The following PTPRT variants were observed in gnomAD, a reference collection of about 807,000 sequenced individuals.
The protein encoded by PTPRT is receptor-type tyrosine-protein phosphatase T.
Under a neutral mutation model 176.8 loss-of-function variants are expected in PTPRT, and 56 were observed. That is an observed-to-expected ratio of 0.32 (90% confidence interval 0.26 to 0.40). The LOEUF (loss-of-function observed/expected upper bound fraction) is 0.40, where lower values mean the gene tolerates loss of function less well. Among genes scored for constraint, PTPRT ranks in the 10% least tolerant of loss-of-function variants. The probability of loss-of-function intolerance (pLI) is 1.00; values close to 1 mark genes in which losing one functional copy is unlikely to be tolerated. For missense variants in PTPRT, 1,540 were observed against 1,908.2 expected, an observed-to-expected ratio of 0.81 and a Z score of 3.60; for synonymous variants, 783 against 739.0, an observed-to-expected ratio of 1.06 and a Z score of -0.96.
intron 7 of PTPRT, among the ~76,000 whole-genome samples, chr20:42,591,719 A>G (rs1396191387): frequency 6.6e-6 from 1 of 152,154 alleles, no homozygotes; most frequent in Non-Finnish European, 1.5e-5. Context: ...GCATTGTTCT[A>G]TGGATCTCAC....
chr20:42,448,973 T>TG (rs1217956069), intron 8 of PTPRT, among the ~76,000 whole-genome samples: 14 of 152,294 alleles, frequency 9.2e-5, no homozygotes, highest in Admixed American at 7.8e-4. Flanking sequence ...GGCTGCTGGT[T>TG]GGACAAGCTT....
intron 1 of PTPRT, among the ~76,000 whole-genome samples, chr20:42,944,858 A>G (rs1013186247): frequency 6.6e-6 from 1 of 152,270 alleles, no homozygotes; most frequent in South Asian, 2.1e-4. Flanking sequence ...CCAGTGGTAT[A>G]TATGCTTCAT....
chr20:42,649,780 C>T (rs1026457590), intron 7 of PTPRT, among the ~76,000 whole-genome samples: 2 of 151,810 alleles, frequency 1.3e-5, no homozygotes, highest in Non-Finnish European at 2.9e-5. Context: ...GGAGAGACAA[C>T]CCAGGTGCAG....
At chr20:42,878,117 T>C (rs1460292884) in intron 2 of PTPRT, among the ~76,000 whole-genome samples, 3 of 152,206 alleles carry the variant, frequency 2.0e-5, no homozygotes, top group African/African-American at 7.2e-5. Flanking sequence ...ATAACTTCTA[T>C]TGGAGATGAG....
chr20:42,883,925 C>T (rs1468476316), intron 2 of PTPRT, among the ~76,000 whole-genome samples: 1 of 125,504 alleles, frequency 8.0e-6, no homozygotes, highest in African/African-American at 3.0e-5. Context: ...CATACCAGTA[C>T]ACAGGCATGC....
chr20:42,494,558 C>T (rs1215136171), intron 7 of PTPRT, among the ~76,000 whole-genome samples: 4 of 152,074 alleles, frequency 2.6e-5, no homozygotes, highest in Non-Finnish European at 5.9e-5. Context: ...AAAACTCCCG[C>T]CCCTCCCCCA....
chr20:42,144,914 A>G (rs771868714), intron 17 of PTPRT, among the ~76,000 whole-genome samples: 12 of 152,154 alleles, frequency 7.9e-5, no homozygotes, highest in Non-Finnish European at 1.8e-4. Flanking sequence ...CAGCCCCTCA[A>G]TAAGCCCTGT....
intron 1 of PTPRT, among the ~76,000 whole-genome samples, chr20:43,012,797 C>T (rs2146155683): frequency 6.6e-6 from 1 of 152,258 alleles, no homozygotes. Flanking sequence ...TAATCACCAT[C>T]ACCATGGGGA....
intron 7 of PTPRT, among the ~76,000 whole-genome samples, chr20:42,504,191 T>A (rs1208861639): frequency 2.0e-5 from 3 of 152,184 alleles, no homozygotes; most frequent in African/African-American, 7.2e-5. Flanking sequence ...ATGTTTCTAA[T>A]AATAAAATGT....
chr20:42,533,305 G>T (rs2072418496), intron 7 of PTPRT, among the ~76,000 whole-genome samples: 1 of 152,194 alleles, frequency 6.6e-6, no homozygotes, highest in African/African-American at 2.4e-5. Context: ...TTGCAGGACT[G>T]GGTAATCAAA....
At chr20:42,428,466 AT>A (rs1178867999) in intron 9 of PTPRT, among the ~76,000 whole-genome samples, 1 of 152,134 alleles carries the variant, frequency 6.6e-6, no homozygotes, top group Admixed American at 6.5e-5. Context: ...TTTTTTCAAA[AT>A]TGACTTGGTA....
chr20:42,835,547 G>A (rs564883342), intron 2 of PTPRT, among the ~76,000 whole-genome samples: 5 of 152,104 alleles, frequency 3.3e-5, no homozygotes, highest in Non-Finnish European at 7.4e-5. Context: ...GTTGCCTCAG[G>A]GGGGCAGAGA....
intron 25 of PTPRT, among the ~76,000 whole-genome samples, chr20:42,102,654 TG>T (rs1025719443): frequency 6.6e-6 from 1 of 151,270 alleles, no homozygotes; most frequent in Non-Finnish European, 1.5e-5. Context: ...TACAGAGGGG[TG>T]GGGGTAGGGA....
At chr20:42,243,099 G>A (rs1440013829) in intron 14 of PTPRT, among the ~76,000 whole-genome samples, 1 of 151,992 alleles carries the variant, frequency 6.6e-6, no homozygotes, top group Non-Finnish European at 1.5e-5. Context: ...CAGAGAGACA[G>A]AGACAGAGAG....
chr20:42,211,877 G>A (rs911285477), intron 15 of PTPRT, among the ~76,000 whole-genome samples: 1 of 151,682 alleles, frequency 6.6e-6, no homozygotes, highest in Non-Finnish European at 1.5e-5. Flanking sequence ...ATTCACAATA[G>A]CAAAGACTTG....
chr20:42,927,962 C>T (rs1479390094), intron 1 of PTPRT, among the ~76,000 whole-genome samples: 3 of 152,214 alleles, frequency 2.0e-5, no homozygotes, highest in East Asian at 1.9e-4. Context: ...GGATCTATAC[C>T]CATGCAGCCC....
At chr20:42,321,135 C>T (rs563766101) in intron 11 of PTPRT, among the ~76,000 whole-genome samples, 1 of 152,284 alleles carries the variant, frequency 6.6e-6, no homozygotes, top group East Asian at 1.9e-4. Flanking sequence ...CTGAGAGATA[C>T]GGTAATCTCT....
intron 19 of PTPRT, among the ~76,000 whole-genome samples, chr20:42,125,589 T>A (rs1987814637): frequency 6.6e-6 from 1 of 152,252 alleles, no homozygotes; most frequent in South Asian, 2.1e-4. Flanking sequence ...TGTGTGACCT[T>A]GGACAGTGCT....
chr20:42,924,912 A>G (rs1979383747), intron 1 of PTPRT, among the ~76,000 whole-genome samples: 1 of 152,212 alleles, frequency 6.6e-6, no homozygotes, highest in South Asian at 2.1e-4. Flanking sequence ...CTCTGATTCA[A>G]TAGTTCAGGG....
Sources: gnomAD v4.1 joint callset for allele counts (sites outside exome capture counted in the v4.1 genomes callset) on GRCh38, gnomAD v4.1.1 for gene constraint, MANE v1.5 for transcripts, NCBI Gene and HGNC (gene_info 2026-07-23, HGNC 2026-07-21) for gene names.